The following FGF12 variants were observed in gnomAD, a reference collection of about 807,000 sequenced individuals.
FGF12 encodes fibroblast growth factor 12B.
FGF12 carries 14 observed loss-of-function variants against 23.6 expected under a neutral mutation model. The observed-to-expected ratio is 0.59, with a 90% CI of 0.39 to 0.93. The LOEUF is 0.93. Among genes scored for constraint, FGF12 ranks in the 40% least tolerant of loss-of-function variants. The probability of loss-of-function intolerance (pLI) is 0.00; values close to 1 mark genes in which losing one functional copy is unlikely to be tolerated. For missense variants in FGF12, 175 were observed against 217.8 expected (o/e 0.80, Z 1.24); for synonymous variants, 62 against 77.3 (o/e 0.80, Z 1.04).
intron 2 of FGF12, among the ~76,000 whole-genome samples, chr3:192,456,657 A>C (rs57394483): frequency 0.075 from 11,426 of 152,230 alleles, 1,362 homozygotes; most frequent in African/African-American, 0.25. Context: ...TGACTTAAAT[A>C]CCACCACCTA....
rs149122331 is a variant in FGF12, at chr3:192,566,288, T to C, written c.13+160893A>G. Among the ~76,000 whole-genome samples, 459 of 152,322 alleles carry C rather than the reference T, an allele frequency of 3.0e-3. 2 individuals carry two copies. The highest frequency in any genetic ancestry group is 9.7e-3 in the African/African-American group (402 of 41,574). The stretch of plus-strand genomic sequence containing the variant: ...CAGACTTTACTCTCAATCACTGCTC[T>C]GTACTCTTTCTATAGTGCTTCATGA... On this transcript the variant is annotated intron_variant, in intron 2 of 5. Transcript: ENST00000445105.
intron 2 of FGF12, among the ~76,000 whole-genome samples, chr3:192,573,242 TAA>T (rs35240510): frequency 8.6e-4 from 127 of 148,102 alleles, no homozygotes; most frequent in South Asian, 7.3e-3. Flanking sequence ...TTGTGGAGCT[TAA>T]AAAAAAAAAA....
intron 2 of FGF12, among the ~76,000 whole-genome samples, chr3:192,683,609 G>A (rs1339509374): frequency 6.6e-6 from 1 of 152,096 alleles, no homozygotes; most frequent in Non-Finnish European, 1.5e-5. Context: ...GCTCTATTAA[G>A]CAGCTGTTAC....
Position 192,623,566 on chromosome 3 carries a change from G to A in FGF12, c.13+103615C>T, listed in dbSNP as rs550955177. 1.3e-3 allele frequency among the ~76,000 whole-genome samples: 198 copies of A among 152,300 alleles called. 4 individuals carry two copies. The South Asian group carries it at 0.04, about 31-fold the overall frequency. On this transcript the variant is annotated intron_variant, in intron 2 of 5. Transcript: ENST00000445105. ...TTTGTATTCTGTTTTTTATCCAGAT[G>A]TATTGGTTTTGTTTTGCAGAAAGAG... is the stretch of plus-strand genomic sequence containing the variant.
intron 2 of FGF12, among the ~76,000 whole-genome samples, chr3:192,649,536 A>G (rs1421779155): frequency 1.3e-5 from 2 of 152,074 alleles, no homozygotes; most frequent in Non-Finnish European, 2.9e-5. Context: ...ACACTGAAAT[A>G]TCATTTTAAC....
intron 2 of FGF12, among the ~76,000 whole-genome samples, chr3:192,569,012 A>G (rs1712471448): frequency 6.6e-6 from 1 of 152,206 alleles, no homozygotes; most frequent in South Asian, 2.1e-4. Flanking sequence ...TTAGCTGAGC[A>G]AAACAGGAGA....
chr3:192,638,965 T>G (rs964251991), intron 2 of FGF12, among the ~76,000 whole-genome samples: 31 of 152,318 alleles, frequency 2.0e-4, no homozygotes, highest in African/African-American at 7.5e-4. Flanking sequence ...TTCCCTGCAT[T>G]TAATGCTTTT....
At chr3:192,714,663 C>T (rs187190395) in intron 2 of FGF12, among the ~76,000 whole-genome samples, 9,620 of 150,734 alleles carry the variant, frequency 0.064, 487 homozygotes, top group East Asian at 0.19. Flanking sequence ...GGACTACAGG[C>T]GCCCGCCACT....
chr3:192,257,202 T>C (rs1418634885), intron 4 of FGF12, among the ~76,000 whole-genome samples: 1 of 152,138 alleles, frequency 6.6e-6, no homozygotes, highest in Non-Finnish European at 1.5e-5. Context: ...CCTTCCCATA[T>C]CTTTTGGGGG....
At chr3:192,278,896 C>T (rs1362444663) in intron 4 of FGF12, among the ~76,000 whole-genome samples, 3 of 152,098 alleles carry the variant, frequency 2.0e-5, no homozygotes, top group African/African-American at 7.2e-5. Flanking sequence ...CTAACTAGTC[C>T]TGAAGATATC....
intron 2 of FGF12, among the ~76,000 whole-genome samples, chr3:192,434,478 T>C (rs1721956256): frequency 6.6e-6 from 1 of 152,126 alleles, no homozygotes; most frequent in Non-Finnish European, 1.5e-5. Context: ...CAGACTGCCA[T>C]AGGAGTAAGC....
chr3:192,417,399 T>G (rs935634275), intron 2 of FGF12, among the ~76,000 whole-genome samples: 1 of 149,170 alleles, frequency 6.7e-6, no homozygotes, highest in Non-Finnish European at 1.5e-5. Context: ...TGTATAAGAG[T>G]AGACACAGAA....
intron 4 of FGF12, among the ~76,000 whole-genome samples, chr3:192,215,210 G>T (rs1278603628): frequency 2.7e-4 from 41 of 151,998 alleles, no homozygotes; most frequent in Non-Finnish European, 1.5e-5. Flanking sequence ...GCTTTCCCTC[G>T]AAGGTGTTGA....
At chr3:192,600,966 G>C (rs972517349) in intron 2 of FGF12, among the ~76,000 whole-genome samples, 1 of 152,042 alleles carries the variant, frequency 6.6e-6, no homozygotes, top group Admixed American at 6.6e-5. Flanking sequence ...CCAAGGAAGG[G>C]AAATTAGCAA....
chr3:192,696,353 T>G (rs1442788540), intron 2 of FGF12, among the ~76,000 whole-genome samples: 1 of 152,106 alleles, frequency 6.6e-6, no homozygotes, highest in African/African-American at 2.4e-5. Flanking sequence ...GATTCACTCA[T>G]TGAGGGCACC....
intron 4 of FGF12, among the ~76,000 whole-genome samples, chr3:192,199,327 A>G (rs1456906705): frequency 6.6e-6 from 1 of 152,234 alleles, no homozygotes; most frequent in Non-Finnish European, 1.5e-5. Context: ...GTCTTTTTCT[A>G]TTCAACCTCC....
At chr3:192,353,174 G>A (rs1718301983) in intron 3 of FGF12, among the ~76,000 whole-genome samples, 2 of 152,126 alleles carry the variant, frequency 1.3e-5, no homozygotes, top group South Asian at 4.1e-4. Flanking sequence ...GCCAAAAACA[G>A]ATCAAAGACA....
chr3:192,335,158 G>C (rs560418914), intron 4 of FGF12, among the ~76,000 whole-genome samples: 19 of 152,292 alleles, frequency 1.2e-4, no homozygotes, highest in Non-Finnish European at 2.8e-4. Context: ...ATCGCATGGA[G>C]AGTAACTGCA....
At chr3:192,413,075 T>C (rs985604792) in intron 2 of FGF12, among the ~76,000 whole-genome samples, 6 of 152,222 alleles carry the variant, frequency 3.9e-5, no homozygotes, top group African/African-American at 1.4e-4. Flanking sequence ...GTCTATGTTT[T>C]TGGGCTCTAG....
Sources: allele counts gnomAD v4.1 joint callset (sites outside exome capture counted in the v4.1 genomes callset), GRCh38; gene constraint gnomAD v4.1.1; transcripts MANE v1.5; gene names NCBI Gene and HGNC (gene_info 2026-07-23, HGNC 2026-07-21).